ACTR3: variants seen among roughly 807,000 people sequenced by gnomAD.
ACTR3 encodes actin-related protein 3.
Under a neutral mutation model 56.8 loss-of-function variants are expected in ACTR3, and 12 were observed. The ratio of observed to expected loss-of-function variants is 0.21; its 90% confidence interval spans 0.14 to 0.34. The LOEUF is 0.34. ACTR3 is among the 10% of genes least tolerant of loss of function. ACTR3 has a pLI of 1.00. For synonymous variants in ACTR3, 162 were observed against 167.4 expected (o/e 0.97, Z 0.25); for missense variants, 282 against 512.5 (o/e 0.55, Z 4.34).
intron 11 of ACTR3, among the ~76,000 whole-genome samples, chr2:113,957,115 G>A (rs1680230916): frequency 6.6e-6 from 1 of 152,194 alleles, no homozygotes; most frequent in African/African-American, 2.4e-5. Context: ...AATCCTCGCA[G>A]CAGGTGTGTG....
At chr2:113,902,746 C>T (rs1365414759) in intron 1 of ACTR3, among the ~76,000 whole-genome samples, 2 of 152,016 alleles carry the variant, frequency 1.3e-5, no homozygotes, top group African/African-American at 4.8e-5. Flanking sequence ...ATTACAGGTG[C>T]CCGTCACCAC....
In ACTR3 at chr2:113,958,807, C is replaced by T. The variant is rs1054282883; in HGVS notation, c.*1352C>T. The T allele has an allele frequency of 1.3e-5, 2 of 151,874 alleles. No individual in the cohort carries two copies. The highest frequency in any genetic ancestry group is 4.8e-5 in the African/African-American group (2 of 41,388). 9.4% of individuals were successfully genotyped at this position (151,874 alleles called of 1,614,324 possible). A position where few individuals can be genotyped will look rare whatever the true frequency, so the allele number is the denominator to read the frequency against. On this transcript the variant is annotated 3_prime_UTR_variant, in exon 12 of 12. Coordinates refer to ENST00000263238, the MANE Select transcript of ACTR3 (RefSeq NM_005721.5). ...CTAGCAGTATCAGTGAACACTTGAA[C>T]TCCATTATTCATGAAAATAACACGT...
chr2:113,891,602 G>A (rs1678899277), intron 1 of ACTR3, among the ~76,000 whole-genome samples: 1 of 151,326 alleles, frequency 6.6e-6, no homozygotes, highest in Non-Finnish European at 1.5e-5. Flanking sequence ...TCAGTAAGAG[G>A]TGGACTGTCA....
intron 6 of ACTR3, among the ~76,000 whole-genome samples, chr2:113,937,957 G>A (rs1243435324): frequency 6.6e-6 from 1 of 151,486 alleles, no homozygotes; most frequent in Non-Finnish European, 1.5e-5. Context: ...TCTCCTTTAG[G>A]TACTCTAATC....
intron 1 of ACTR3, among the ~76,000 whole-genome samples, chr2:113,900,436 G>T (rs1385847046): frequency 1.3e-5 from 2 of 152,198 alleles, no homozygotes; most frequent in African/African-American, 4.8e-5. Context: ...GACTGCTGTA[G>T]TCGTTGTCTT....
At chr2:113,948,054 A>G (rs924643808) in intron 8 of ACTR3, among the ~76,000 whole-genome samples, 2 of 152,120 alleles carry the variant, frequency 1.3e-5, no homozygotes, top group East Asian at 3.9e-4. Context: ...TTGTATTTCT[A>G]GAGGTAACCA....
At chr2:113,898,097 AAAC>A (rs1679042105) in intron 1 of ACTR3, among the ~76,000 whole-genome samples, 1 of 152,054 alleles carries the variant, frequency 6.6e-6, no homozygotes, top group African/African-American at 2.4e-5. Flanking sequence ...AATCTACTGT[AAAC>A]ATGTAAACCA....
Position 113,924,644 on chromosome 2 carries a change from C to T in ACTR3, c.226-2701C>T, listed in dbSNP as rs749018138. 5.5e-4 allele frequency among the ~76,000 whole-genome samples: 84 copies of T among 152,112 alleles called. 2 individuals are homozygous for T. Among genetic ancestry groups the T allele is most frequent in the Non-Finnish European group, 5.3e-4 (36 of 68,020 alleles). ...GATCTAGAACTGGTATATCTCTCTA[C>T]GCACCTTCAAATCTTTTGGCACATA... On this transcript the variant is annotated intron_variant, in intron 3 of 11. Transcript: ENST00000263238.
chr2:113,911,422 T>TTTG (rs1679304589), intron 1 of ACTR3, among the ~76,000 whole-genome samples: 1 of 148,504 alleles, frequency 6.7e-6, no homozygotes, highest in Admixed American at 6.7e-5. Context: ...TGGCACACTT[T>TTTG]TTTTTTTTTT....
At chr2:113,925,287 C>T (rs551477848) in intron 3 of ACTR3, among the ~76,000 whole-genome samples, 5 of 151,174 alleles carry the variant, frequency 3.3e-5, no homozygotes, top group East Asian at 3.9e-4. Flanking sequence ...CCTCCGCCTC[C>T]TGGGTTCAAG....
At chr2:113,906,707 A>G (rs1158843395) in intron 1 of ACTR3, among the ~76,000 whole-genome samples, 1 of 152,134 alleles carries the variant, frequency 6.6e-6, no homozygotes, top group Admixed American at 6.6e-5. Flanking sequence ...TTCCAGCACC[A>G]TTTGTTCAAA....
Position 113,890,138 on chromosome 2 carries a change from C to T in ACTR3, c.-142C>T, listed in dbSNP as rs1678855115. The T allele has an allele frequency of 9.3e-7, 1 of 1,075,834 alleles. No homozygotes were observed. Among genetic ancestry groups the T allele is most frequent in the South Asian group, 1.4e-5 (1 of 73,118 alleles). The allele number at this position is 1,075,834 out of a possible 1,614,324, so 66.6% of individuals were successfully genotyped here. ...CGAGCCTGCTGCTTTCTTGCTACTG[C>T]TTCGGCTTCCCGGCTACCCCCCGGA... On this transcript the variant is annotated 5_prime_UTR_variant, in exon 1 of 12. Transcript: ENST00000263238.
At chr2:113,933,404 GA>G (rs1679758968) in intron 5 of ACTR3, among the ~76,000 whole-genome samples, 1 of 152,064 alleles carries the variant, frequency 6.6e-6, no homozygotes, top group Admixed American at 6.5e-5. Context: ...AGCTACTCCG[GA>G]GGCTGAGGCA....
intron 1 of ACTR3, among the ~76,000 whole-genome samples, chr2:113,907,827 C>A (rs958041780): frequency 1.6e-4 from 25 of 151,594 alleles, no homozygotes; most frequent in African/African-American, 6.1e-4. Context: ...ACAAAATTGG[C>A]CAGGCATGGT....
chr2:113,900,325 C>T (rs1203833661), intron 1 of ACTR3, among the ~76,000 whole-genome samples: 1 of 152,152 alleles, frequency 6.6e-6, no homozygotes, highest in East Asian at 1.9e-4. Flanking sequence ...CACTAATTTA[C>T]TTTCTGTCTT....
At chr2:113,950,173 T>C (rs1365831194) in intron 8 of ACTR3, among the ~76,000 whole-genome samples, 2 of 152,194 alleles carry the variant, frequency 1.3e-5, no homozygotes, top group Non-Finnish European at 2.9e-5. Flanking sequence ...GCACTGCATT[T>C]AGTATATCAT....
At chr2:113,949,016 C>A in intron 8 of ACTR3, among the ~76,000 whole-genome samples, 1 of 69,632 alleles carries the variant, frequency 1.4e-5, no homozygotes, top group African/African-American at 2.7e-4. Flanking sequence ...TAGTATGTGT[C>A]ACTTTGATAA....
chr2:113,905,108 C>T (rs1411807226), intron 1 of ACTR3: 1 of 152,040 alleles, frequency 6.6e-6, no homozygotes, highest in Non-Finnish European at 1.5e-5. Context: ...TAGAAAGTCT[C>T]CTGCACTCCA....
chr2:113,912,469 G>A (rs10210324), intron 1 of ACTR3, among the ~76,000 whole-genome samples: 45,253 of 151,940 alleles, frequency 0.3, 11,088 homozygotes, highest in African/African-American at 0.67. Context: ...TGTAGGCCAA[G>A]TCTACTGTGA....
Sources: gnomAD v4.1 joint callset for allele counts (sites outside exome capture counted in the v4.1 genomes callset) on GRCh38, gnomAD v4.1.1 for gene constraint, MANE v1.5 for transcripts, NCBI Gene and HGNC (gene_info 2026-07-23, HGNC 2026-07-21) for gene names.